Variants in SMAD2 observed in about 807,000 individuals in gnomAD.
SMAD2 encodes MAD homolog 2.
A neutral mutation model predicts 64.4 loss-of-function variants in SMAD2; 8 were observed. The ratio of observed to expected loss-of-function variants is 0.12; its 90% confidence interval spans 0.07 to 0.22. The LOEUF (loss-of-function observed/expected upper bound fraction) is 0.22, where lower values mean the gene tolerates loss of function less well. Among genes scored for constraint, SMAD2 ranks in the 10% least tolerant of loss-of-function variants. The probability of loss-of-function intolerance (pLI) is 1.00; values close to 1 mark genes in which losing one functional copy is unlikely to be tolerated. For missense variants in SMAD2, 289 were observed against 561.2 expected, an observed-to-expected ratio of 0.51 and a Z score of 4.90; for synonymous variants, 203 against 195.8, an observed-to-expected ratio of 1.04 and a Z score of -0.31.
intron 2 of SMAD2, among the ~76,000 whole-genome samples, chr18:47,884,798 A>G (rs980306643): frequency 2.0e-5 from 3 of 152,184 alleles, no homozygotes; most frequent in African/African-American, 7.2e-5. Flanking sequence ...CATCTTTGAT[A>G]TAGTATAGCC....
intron 6 of SMAD2, among the ~76,000 whole-genome samples, chr18:47,861,282 C>T (rs548086068): frequency 6.6e-6 from 1 of 152,026 alleles, no homozygotes; most frequent in Non-Finnish European, 1.5e-5. Flanking sequence ...TGAGATCATG[C>T]CATTGCACTC....
chr18:47,861,219 G>C (rs2031162769), intron 6 of SMAD2, among the ~76,000 whole-genome samples: 2 of 152,064 alleles, frequency 1.3e-5, no homozygotes, highest in Non-Finnish European at 2.9e-5. Flanking sequence ...AGCTGGGCGT[G>C]GTAGTGCATG....
At position 47,824,388 on chromosome 18, in the gene SMAD2, C is replaced by T. The variant is rs949436212; in HGVS notation, c.*17439G>A. 3 of 152,198 alleles carry T rather than the reference C, an allele frequency of 2.0e-5. No individual in the cohort carries two copies. Among genetic ancestry groups the T allele is most frequent in the African/African-American group, 7.2e-5 (3 of 41,448 alleles). 9.4% of individuals were successfully genotyped at this position (152,198 alleles called of 1,614,324 possible). On this transcript the variant is annotated 3_prime_UTR_variant, in exon 11 of 11. Coordinates refer to ENST00000262160, the MANE Select transcript of SMAD2 (RefSeq NM_005901.6). ...TCTGCCTAGAAGCCGATTGTCCAAA[C>T]CCGAACTGGCAGCATCCTTGTTATT...
intron 1 of SMAD2, among the ~76,000 whole-genome samples, chr18:47,904,131 G>T (rs531623738): frequency 6.6e-6 from 1 of 151,530 alleles, no homozygotes; most frequent in African/African-American, 2.4e-5. Flanking sequence ...GGGAGTCCTC[G>T]ATAGAAAGAG....
At position 47,834,818 on chromosome 18, in the gene SMAD2, T is replaced by TA. The variant is rs1302013265; in HGVS notation, c.*7008dup. The TA allele has an allele frequency of 4.6e-6, 1 of 218,800 alleles. No homozygotes were observed. Among genetic ancestry groups the TA allele is most frequent in the Non-Finnish European group, 9.2e-6 (1 of 108,860 alleles). The allele number at this position is 218,800 out of a possible 1,614,324, so 13.6% of individuals were successfully genotyped here. ...TCTTTTTGCAATTAATCCAGTTTTG[T>TA]ATGTCTTTTCTTTCTTTTTTAGGTG... On this transcript the variant is annotated 3_prime_UTR_variant, in exon 11 of 11. Transcript: ENST00000262160.
At chr18:47,904,776 TTC>T (rs1011922900) in intron 1 of SMAD2, among the ~76,000 whole-genome samples, 4 of 152,226 alleles carry the variant, frequency 2.6e-5, no homozygotes, top group Non-Finnish European at 4.4e-5. Flanking sequence ...GCACCTATGA[TTC>T]TCTCAAATGA....
chr18:47,838,965 G>A lies in SMAD2; in HGVS notation c.*2862C>T, dbSNP rs112132589. 983 of 232,914 alleles carry A rather than the reference G, an allele frequency of 4.2e-3. 5 individuals are homozygous for A. Among genetic ancestry groups the A allele is most frequent in the Middle Eastern group, 0.014 (11 of 784 alleles). The allele number at this position is 232,914 out of a possible 1,614,324, so 14.4% of individuals were successfully genotyped here. ...ATAAAGACAAAAATTCAACAAAGAG[G>A]GGATTCTATCACTTAGAAAAATGAA... On this transcript the variant is annotated 3_prime_UTR_variant, in exon 11 of 11. Coordinates refer to ENST00000262160, the MANE Select transcript of SMAD2 (RefSeq NM_005901.6).
intron 2 of SMAD2, among the ~76,000 whole-genome samples, chr18:47,879,699 C>T (rs1031499626): frequency 1.3e-5 from 2 of 151,962 alleles, no homozygotes; most frequent in African/African-American, 4.8e-5. Flanking sequence ...GGGTAAACAC[C>T]TAGAAGTGAA....
In SMAD2 at chr18:47,826,124, C is replaced by G. The variant is rs1288734161; in HGVS notation, c.*15703G>C. 6.6e-6 allele frequency: 1 copy of G among 152,208 alleles called. No homozygotes were observed. The highest frequency in any genetic ancestry group is 1.5e-5 in the Non-Finnish European group (1 of 68,042). The allele number at this position is 152,208 out of a possible 1,614,324, so 9.4% of individuals were successfully genotyped here. The stretch of plus-strand genomic sequence containing the variant: ...TAACCTTTAGATAGAAAACACAATC[C>G]TTTGCTTTTGTCTTCCTTATGTATA... On this transcript the variant is annotated 3_prime_UTR_variant, in exon 11 of 11. Coordinates refer to ENST00000262160, the MANE Select transcript of SMAD2 (RefSeq NM_005901.6).
intron 6 of SMAD2, 69 bp downstream of exon 6, chr18:47,864,990 T>A (rs2031453643): frequency 3.3e-6 from 3 of 901,342 alleles, no homozygotes; most frequent in South Asian, 2.7e-5. Flanking sequence ...TAACATCTTT[T>A]GTGAATTTCA....
intron 2 of SMAD2, among the ~76,000 whole-genome samples, chr18:47,877,448 T>C (rs2032329528): frequency 6.6e-6 from 1 of 152,152 alleles, no homozygotes; most frequent in Non-Finnish European, 1.5e-5. Context: ...AGCTCAGGAA[T>C]GAAGAGTTAA....
At position 47,818,771 on chromosome 18, in the gene SMAD2, T is replaced by G. The variant is rs931883310; in HGVS notation, c.*23056A>C. 2.6e-5 allele frequency: 4 copies of G among 151,838 alleles called. No individual in the cohort carries two copies. The highest frequency in any genetic ancestry group is 9.7e-5 in the African/African-American group (4 of 41,290). 9.4% of individuals were successfully genotyped at this position (151,838 alleles called of 1,614,324 possible). A position where few individuals can be genotyped will look rare whatever the true frequency, so the allele number is the denominator to read the frequency against. ...GGGGTTGGGGAGGTGGGGTAAGAGG[T>G]TTTTTAAAAATCCAAACTGCTATTT... On this transcript the variant is annotated 3_prime_UTR_variant, in exon 11 of 11. Transcript: ENST00000262160.
At chr18:47,876,773 T>C (rs564433062) in intron 2 of SMAD2, among the ~76,000 whole-genome samples, 18 of 152,226 alleles carry the variant, frequency 1.2e-4, no homozygotes, top group Middle Eastern at 3.4e-3. Flanking sequence ...GAAATTAAAA[T>C]TTAATATCTA....
chr18:47,853,742 AAAATCTGCTGGCAAGTCAC>A (rs141065248), intron 6 of SMAD2, among the ~76,000 whole-genome samples: 85,742 of 150,338 alleles, frequency 0.57, 24,923 homozygotes, highest in East Asian at 0.82. Flanking sequence ...CTCAGTTTGA[AAAATCTGCTGGCAAGTCAC>A]AAATCTGCTG....
Position 47,813,608 on chromosome 18 carries a change from A to G in SMAD2, c.*28219T>C, listed in dbSNP as rs1044765042. ...TTTTTAGTACAGATGGGGTTTCACTATGTTGGCCAGACTGGTCTCAAACTC... is the reference window on the plus strand; with the variant it reads ...TTTTTAGTACAGATGGGGTTTCACTGTGTTGGCCAGACTGGTCTCAAACTC... On this transcript the variant is annotated 3_prime_UTR_variant, in exon 11 of 11. Coordinates refer to ENST00000262160, the MANE Select transcript of SMAD2 (RefSeq NM_005901.6). 6.7e-6 allele frequency: 1 copy of G among 149,648 alleles called. No homozygotes were observed. The highest frequency in any genetic ancestry group is 1.5e-5 in the Non-Finnish European group (1 of 67,798). The allele number at this position is 149,648 out of a possible 1,614,324, so 9.3% of individuals were successfully genotyped here.
intron 2 of SMAD2, among the ~76,000 whole-genome samples, chr18:47,881,647 C>G (rs929259747): frequency 1.3e-5 from 2 of 152,182 alleles, no homozygotes; most frequent in African/African-American, 2.4e-5. Flanking sequence ...CAAGAGTAGA[C>G]ATCCCTGTCT....
At chr18:47,865,965 G>C (rs756921740) in intron 5 of SMAD2, among the ~76,000 whole-genome samples, 1 of 152,082 alleles carries the variant, frequency 6.6e-6, no homozygotes, top group Admixed American at 6.6e-5. Flanking sequence ...CATTTACACT[G>C]AACAGTTTTG....
rs1379416181 is a variant in SMAD2 at position 47,827,121 on chromosome 18, C to CCATGA, written c.*14705_*14706insTCATG. On this transcript the variant is annotated 3_prime_UTR_variant, in exon 11 of 11. Coordinates refer to ENST00000262160, the MANE Select transcript of SMAD2 (RefSeq NM_005901.6). ...ATTAGCAGAATGTTATTCTGTCCAG[C>CCATGA]CATTAAAATCCAAAAAAAAAATTTG... is the stretch of plus-strand genomic sequence containing the variant. 4 of 152,086 alleles carry CCATGA rather than the reference C, an allele frequency of 2.6e-5. No individual in the cohort carries two copies. Among genetic ancestry groups the CCATGA allele is most frequent in the African/African-American group, 9.7e-5 (4 of 41,416 alleles). The allele number at this position is 152,086 out of a possible 1,614,324, so 9.4% of individuals were successfully genotyped here.
At chr18:47,905,108 G>A (rs1424437856) in intron 1 of SMAD2, among the ~76,000 whole-genome samples, 1 of 152,192 alleles carries the variant, frequency 6.6e-6, no homozygotes, top group African/African-American at 2.4e-5. Context: ...CCATGGAAAA[G>A]TGCATGGAAT....
Sources: allele counts gnomAD v4.1 joint callset (sites outside exome capture counted in the v4.1 genomes callset), GRCh38; gene constraint gnomAD v4.1.1; transcripts MANE v1.5; gene names NCBI Gene and HGNC (gene_info 2026-07-23, HGNC 2026-07-21).